SRM: variants seen among roughly 807,000 people sequenced by gnomAD.
The protein encoded by SRM is putrescine aminopropyltransferase.
A neutral mutation model predicts 39.3 loss-of-function variants in SRM; 14 were observed. That is an observed-to-expected ratio of 0.36 (90% CI 0.24 to 0.56). The LOEUF (loss-of-function observed/expected upper bound fraction) is 0.56. SRM is among the 20% of genes least tolerant of loss of function. SRM has a pLI of 0.86. For missense variants in SRM, 244 were observed against 409.2 expected (o/e 0.60, Z 3.48); for synonymous variants, 195 against 173.1 (o/e 1.13, Z -0.99).
At position 11,059,214 on chromosome 1, in the gene SRM, C is replaced by T; in HGVS notation, c.288+11G>A. ...CCTCGTCCGGCACTGTTCCAGGGGA[C>T]ACTGGGGTACCTTTCGCGGGTTGGG... On this transcript the variant is annotated intron_variant, in intron 2 of 7. Transcript: ENST00000376957. The T allele has an allele frequency of 6.2e-7, 1 of 1,613,390 alleles. No individual in the cohort carries two copies. The highest frequency in any genetic ancestry group is 8.5e-7 in the Non-Finnish European group (1 of 1,179,958).
In SRM at chr1:11,059,206, C is replaced by G; in HGVS notation, c.288+19G>C. 4 of 1,613,318 alleles carry G rather than the reference C, an allele frequency of 2.5e-6. No individual in the cohort carries two copies. The highest frequency in any genetic ancestry group is 1.1e-5 in the South Asian group (1 of 91,082). On this transcript the variant is annotated intron_variant, in intron 2 of 7. Transcript: ENST00000376957. ...GGGCCGCCCCTCGTCCGGCACTGTT[C>G]CAGGGGACACTGGGGTACCTTTCGC...
At chr1:11,058,209 G>A (rs1638913783) in intron 3 of SRM, among the ~76,000 whole-genome samples, 2 of 152,202 alleles carry the variant, frequency 1.3e-5, no homozygotes, top group Admixed American at 1.3e-4. Context: ...CTGAGTGTAA[G>A]GGGTAACGTA....
At position 11,059,768 on chromosome 1, in the gene SRM, C is replaced by G; in HGVS notation, c.167+9G>C. ...CTAGGGGGCAGGCGCCTGCGGGCAGCGGCGGTACCTGCGGAAGACGAGGAT... is the reference window on the plus strand; with the variant it reads ...CTAGGGGGCAGGCGCCTGCGGGCAGGGGCGGTACCTGCGGAAGACGAGGAT... On this transcript the variant is annotated intron_variant, in intron 1 of 7. Transcript: ENST00000376957. The G allele has an allele frequency of 1.9e-6, 3 of 1,569,940 alleles. No individual in the cohort carries two copies. The highest frequency in any genetic ancestry group is 1.7e-6 in the Non-Finnish European group (2 of 1,166,908).
rs766613436 is a variant in SRM, at chr1:11,058,899, G to T, written c.289-7C>A. ...CGCCCCCGATGATCAGCACCTGGGA[G>T]GAGGGGGCAGTCAAGGCAGGGGCCC... On this transcript the variant is annotated splice_region_variant and splice_polypyrimidine_tract_variant and intron_variant, in intron 2 of 7. Coordinates refer to ENST00000376957, the MANE Select transcript of SRM (RefSeq NM_003132.3). The T allele has an allele frequency of 6.2e-7, 1 of 1,601,868 alleles. No individual in the cohort carries two copies. Among genetic ancestry groups the T allele is most frequent in the East Asian group, 2.3e-5 (1 of 44,338 alleles).
rs1638884993 is a variant in SRM at position 11,056,734 on chromosome 1, C to G, written c.405G>C (p.Lys135Asn). 6.2e-7 allele frequency: 1 copy of G among 1,614,068 alleles called. No individual in the cohort carries two copies. The highest frequency in any genetic ancestry group is 8.5e-7 in the Non-Finnish European group (1 of 1,180,032). ...IDEDVIQVSK[K>N]FLPGMAIGYS... ...AGCCAATGGCCATGCCTGGCAGGAA[C>G]TTCTTGGAGACTTGGATGACATCCT... The change falls in exon 4 of 8, where the codon AAG (lysine) becomes AAC (asparagine). Residue 135 changes from lysine (K) to asparagine (N), a missense_variant. Lys to Asn is a moderately conservative substitution (Grantham distance 94). Transcript: ENST00000376957.
rs1557682211 is a variant in SRM, at chr1:11,054,911, A to T, written c.889-26T>A. 1.2e-6 allele frequency: 2 copies of T among 1,611,464 alleles called. No homozygotes were observed. Among genetic ancestry groups the T allele is most frequent in the Non-Finnish European group, 1.7e-6 (2 of 1,179,626 alleles). Reference sequence around the variant, plus strand: ...CTGGAGGGACATGAGGCCAGTCAGGAGGGCGCTCTGGGTCCCTGGGTCCCA... The same window carrying T: ...CTGGAGGGACATGAGGCCAGTCAGGTGGGCGCTCTGGGTCCCTGGGTCCCA... On this transcript the variant is annotated intron_variant, in intron 7 of 7. Transcript: ENST00000376957. This position sits in a 1 kb window ranked among gnomAD's most constrained non-coding sequence, Gnocchi z 4.8.
intron 5 of SRM, 38 bp downstream of exon 5, chr1:11,055,973 A>ACCCCCCC: frequency 2.3e-6 from 3 of 1,318,554 alleles, no homozygotes; most frequent in Non-Finnish European, 3.2e-6. Flanking sequence ...GCCCTGCCCC[A>ACCCCCCC]CCCCGCCCCG....
intron 1 of SRM, 41 bp from the exon 2 acceptor site, chr1:11,059,386 G>A (rs1028353678): frequency 1.9e-6 from 3 of 1,607,140 alleles, no homozygotes; most frequent in East Asian, 2.2e-5. Flanking sequence ...GTTCTCTGGG[G>A]TGGGGAAAAC....
chr1:11,059,666 G>A lies in SRM; in HGVS notation c.167+111C>T, dbSNP rs1168384903. On this transcript the variant is annotated intron_variant, in intron 1 of 7. Coordinates refer to ENST00000376957, the MANE Select transcript of SRM (RefSeq NM_003132.3). ...TGTGAGGGGTGGCGAGGGGGCCAGG[G>A]CAGGACGAGGTCCAGCCCGCTTGGG... 19 of 1,285,096 alleles carry A rather than the reference G, an allele frequency of 1.5e-5. No individual in the cohort carries two copies. The Admixed American group carries it at 2.7e-4, about 18-fold the overall frequency. The allele number at this position is 1,285,096 out of a possible 1,614,324, so 79.6% of individuals were successfully genotyped here. A position where few individuals can be genotyped will look rare whatever the true frequency, so the allele number is the denominator to read the frequency against.
Position 11,056,674 on chromosome 1 carries a change from G to A in SRM, c.465C>T (p.Asp155=), listed in dbSNP as rs148026141. The A allele has an allele frequency of 1.0e-4, 168 of 1,614,102 alleles. No individual in the cohort carries two copies. Among genetic ancestry groups the A allele is most frequent in the South Asian group, 4.3e-4 (39 of 91,082 alleles). The change falls in exon 4 of 8, where the codon GAC becomes GAT. Residue 155 remains aspartate, a synonymous_variant. Transcript: ENST00000376957. ...GATTCTGTTTCATGAACTCAAAACC[G>A]TCACCCACATGTAGGGTCAGCTTCG... ...SSSKLTLHVG[D]GFEFMKQNQD...
intron 3 of SRM, among the ~76,000 whole-genome samples, chr1:11,058,359 C>T (rs987706972): frequency 2.6e-5 from 4 of 151,824 alleles, no homozygotes; most frequent in African/African-American, 4.8e-5. Context: ...TCGCCAGGTC[C>T]GAGACCAGCC....
At position 11,059,537 on chromosome 1, in the gene SRM, G is replaced by T; in HGVS notation, c.168-192C>A. 9 of 1,025,492 alleles carry T rather than the reference G, an allele frequency of 8.8e-6. No homozygotes were observed. The South Asian group carries it at 9.5e-5, about 11-fold the overall frequency. The allele number at this position is 1,025,492 out of a possible 1,614,324, so 63.5% of individuals were successfully genotyped here. A position where few individuals can be genotyped will look rare whatever the true frequency, so the allele number is the denominator to read the frequency against. On this transcript the variant is annotated intron_variant, in intron 1 of 7. Transcript: ENST00000376957. The stretch of plus-strand genomic sequence containing the variant: ...CGGGGTGGGACCCGGGGTCTCCTCG[G>T]GCTCTGACGTGTCCTGAGGGCTGAC...
Position 11,055,856 on chromosome 1 carries a change from C to A in SRM, c.690G>T (p.Val230=). 1 of 1,612,874 alleles carries A rather than the reference C, an allele frequency of 6.2e-7. No homozygotes were observed. Among genetic ancestry groups the A allele is most frequent in the East Asian group, 2.2e-5 (1 of 44,856 alleles). ...GGATGGTGCAGTAGGCATAGGCCAC[C>A]ACGGGGAACAGGGACTGGCAGAACT... ...MRQFCQSLFP[V]VAYAYCTIPT... Residue 230 remains valine (V), a synonymous_variant, in exon 6 of 8, where the codon GTG becomes GTT. Transcript: ENST00000376957.
intron 3 of SRM, among the ~76,000 whole-genome samples, chr1:11,057,588 T>G (rs1390584542): frequency 6.7e-6 from 1 of 149,900 alleles, no homozygotes; most frequent in Non-Finnish European, 1.5e-5. Context: ...AGGATGCAAT[T>G]CCAACCTCTG....
At chr1:11,057,937 C>G (rs1315249291) in intron 3 of SRM, among the ~76,000 whole-genome samples, 9 of 152,066 alleles carry the variant, frequency 5.9e-5, no homozygotes, top group African/African-American at 1.9e-4. Context: ...CACTACCATG[C>G]CCGGCTAATT....
At chr1:11,055,109 CA>C (rs753945455) in intron 6 of SRM, 25 bp from the exon 7 acceptor site, 149 of 1,543,968 alleles carry the variant, frequency 9.7e-5, no homozygotes, top group Non-Finnish European at 1.1e-4. Flanking sequence ...AGGGGCACAT[CA>C]GGGGGGGCAC....
intron 4 of SRM, 21 bp from the exon 5 acceptor site, chr1:11,056,115 C>A: frequency 1.3e-6 from 2 of 1,591,400 alleles, no homozygotes; most frequent in Admixed American, 1.7e-5. Flanking sequence ...CAGAGGGAGA[C>A]ACACTGAACA....
At chr1:11,057,696 C>G (rs771905474) in intron 3 of SRM, among the ~76,000 whole-genome samples, 1 of 151,708 alleles carries the variant, frequency 6.6e-6, no homozygotes, top group Non-Finnish European at 1.5e-5. Flanking sequence ...GACCACCCCC[C>G]ATGCATTCAC....
In SRM at chr1:11,054,940, C is replaced by T. The variant is rs200669844; in HGVS notation, c.888+22G>A. On this transcript the variant is annotated intron_variant, in intron 7 of 7. Transcript: ENST00000376957. This position sits in a 1 kb window ranked among gnomAD's most constrained non-coding sequence, Gnocchi z 4.8. Reference sequence around the variant, plus strand: ...CGCTCTGGGTCCCTGGGTCCCACCACCCAGCCCCGCAGGCCACCCACCTTG... The same window carrying T: ...CGCTCTGGGTCCCTGGGTCCCACCATCCAGCCCCGCAGGCCACCCACCTTG... 1,061 of 1,611,578 alleles carry T rather than the reference C, an allele frequency of 6.6e-4. 3 individuals are homozygous for T. Among genetic ancestry groups the T allele is most frequent in the Middle Eastern group, 1.8e-3 (9 of 5,046 alleles).
Sources: allele counts gnomAD v4.1 joint callset (sites outside exome capture counted in the v4.1 genomes callset), GRCh38; gene constraint gnomAD v4.1.1; non-coding constraint Gnocchi (gnomAD v3.1); transcripts MANE v1.5; gene names NCBI Gene and HGNC (gene_info 2026-07-23, HGNC 2026-07-21).